Variants in MKLN1 observed in about 807,000 individuals in gnomAD.
The protein encoded by MKLN1 is muskelin.
MKLN1 carries 18 observed loss-of-function variants against 99.0 expected under a neutral mutation model. The ratio of observed to expected loss-of-function variants is 0.18; its 90% CI spans 0.13 to 0.27. MKLN1 has a LOEUF of 0.27. Among genes scored for constraint, MKLN1 ranks in the 10% least tolerant of loss-of-function variants. The pLI, the probability that MKLN1 is intolerant of heterozygous loss-of-function variation, is 1.00. For synonymous variants in MKLN1, 288 were observed against 293.2 expected (o/e 0.98, Z 0.18); for missense variants, 621 against 875.9 (o/e 0.71, Z 3.67).
chr7:131,341,329 T>C (rs900311295), intron 1 of MKLN1, among the ~76,000 whole-genome samples: 1 of 152,224 alleles, frequency 6.6e-6, no homozygotes, highest in Non-Finnish European at 1.5e-5. Context: ...AGGAAAACTG[T>C]AGCCTTTGGC....
chr7:131,232,954 G>A (rs186259610), intron 3 of MKLN1, among the ~76,000 whole-genome samples: 5 of 152,220 alleles, frequency 3.3e-5, no homozygotes, highest in Middle Eastern at 3.4e-3. Context: ...TGCTTAAAGC[G>A]GGGACTCAGC....
At chr7:131,400,213 A>G (rs554811474) in intron 6 of MKLN1, among the ~76,000 whole-genome samples, 1 of 151,916 alleles carries the variant, frequency 6.6e-6, no homozygotes, top group South Asian at 2.1e-4. Context: ...TAATTTTATC[A>G]CTGTTATTAT....
At chr7:131,140,287 T>C (rs564108057) in intron 1 of MKLN1, among the ~76,000 whole-genome samples, 3 of 152,314 alleles carry the variant, frequency 2.0e-5, no homozygotes, top group Admixed American at 1.3e-4. Flanking sequence ...CAATTCTTTT[T>C]TCCCTACCTC....
intron 7 of MKLN1, 106 bp downstream of exon 7, chr7:131,411,489 T>A: frequency 1.3e-6 from 1 of 778,258 alleles, no homozygotes. Context: ...AAAAAGAAGA[T>A]GTTGGCCAGT....
At chr7:131,346,814 C>T (rs1799577225) in intron 1 of MKLN1, among the ~76,000 whole-genome samples, 1 of 152,154 alleles carries the variant, frequency 6.6e-6, no homozygotes, top group South Asian at 2.1e-4. Context: ...GAAGATCCCA[C>T]AAAAGTGATT....
intron 1 of MKLN1, among the ~76,000 whole-genome samples, chr7:131,355,907 A>AT (rs1799862224): frequency 6.6e-6 from 1 of 151,166 alleles, no homozygotes; most frequent in Non-Finnish European, 1.5e-5. Flanking sequence ...TAGTTGTATA[A>AT]TTTTTTCATC....
At chr7:131,193,685 AATT>A (rs758040876) in intron 2 of MKLN1, among the ~76,000 whole-genome samples, 23 of 151,944 alleles carry the variant, frequency 1.5e-4, no homozygotes, top group Non-Finnish European at 2.5e-4. Context: ...CTCAGCTAAA[AATT>A]ATTATTTTTG....
At chr7:131,433,882 ATTTTT>A (rs11346221) in intron 9 of MKLN1, among the ~76,000 whole-genome samples, 1 of 128,836 alleles carries the variant, frequency 7.8e-6, no homozygotes, top group Non-Finnish European at 1.7e-5. Context: ...TGTCGTTTGA[ATTTTT>A]TTTTTTTTTT....
chr7:131,268,700 C>A (rs1436912118), intron 3 of MKLN1, among the ~76,000 whole-genome samples: 1 of 152,100 alleles, frequency 6.6e-6, no homozygotes, highest in Non-Finnish European at 1.5e-5. Context: ...CAGTCAATGG[C>A]CCTACATGTT....
At chr7:131,387,090 A>G in intron 2 of MKLN1, 30 bp from the exon 3 acceptor site, 3 of 1,560,960 alleles carry the variant, frequency 1.9e-6, no homozygotes, top group Non-Finnish European at 2.6e-6. Context: ...TAAACAGAAG[A>G]GGATATAATT....
intron 1 of MKLN1, among the ~76,000 whole-genome samples, chr7:131,349,178 G>A (rs916227815): frequency 4.1e-5 from 6 of 147,110 alleles, no homozygotes; most frequent in Admixed American, 1.4e-4. Flanking sequence ...GTGCTTAGAA[G>A]CAGTTTGATC....
chr7:131,186,819 G>C (rs1209100762), intron 2 of MKLN1, among the ~76,000 whole-genome samples: 2 of 152,180 alleles, frequency 1.3e-5, no homozygotes, highest in Non-Finnish European at 2.9e-5. Flanking sequence ...GAGTTTAGTA[G>C]AATAAATGCT....
At chr7:131,153,749 G>A (rs563521305) in intron 2 of MKLN1, among the ~76,000 whole-genome samples, 5 of 142,692 alleles carry the variant, frequency 3.5e-5, no homozygotes, top group South Asian at 2.3e-4. Flanking sequence ...TGCAACCTCC[G>A]CCTCCTGGGT....
intron 2 of MKLN1, among the ~76,000 whole-genome samples, chr7:131,177,904 A>G (rs939924141): frequency 6.6e-6 from 1 of 152,164 alleles, no homozygotes; most frequent in African/African-American, 2.4e-5. Context: ...TAGTAGCTCT[A>G]TGGTAATCTG....
At chr7:131,402,684 A>T (rs1794584804) in intron 6 of MKLN1, among the ~76,000 whole-genome samples, 1 of 152,256 alleles carries the variant, frequency 6.6e-6, no homozygotes, top group African/African-American at 2.4e-5. Context: ...ATGTGTTAGT[A>T]GGCATGAAAA....
intron 3 of MKLN1, chr7:131,310,905 C>T (rs1011158401): frequency 2.0e-5 from 3 of 151,846 alleles, no homozygotes; most frequent in Admixed American, 6.6e-5. Context: ...CAATGTTGTT[C>T]ACAAAGGTAT....
At chr7:131,435,711 A>G (rs1157452294) in intron 9 of MKLN1, among the ~76,000 whole-genome samples, 1 of 151,654 alleles carries the variant, frequency 6.6e-6, no homozygotes, top group Non-Finnish European at 1.5e-5. Flanking sequence ...CTCTCTTTTC[A>G]TTTCTAGGAA....
intron 3 of MKLN1, among the ~76,000 whole-genome samples, chr7:131,286,986 C>T (rs1798141068): frequency 6.6e-6 from 1 of 152,162 alleles, no homozygotes; most frequent in Non-Finnish European, 1.5e-5. Flanking sequence ...ACCTGTGGCC[C>T]AGCTTCTTGG....
intron 6 of MKLN1, among the ~76,000 whole-genome samples, chr7:131,401,362 A>G (rs535497777): frequency 6.6e-6 from 1 of 152,220 alleles, no homozygotes; most frequent in African/African-American, 2.4e-5. Context: ...TGCAGGATCC[A>G]GTGATGATAG....
Sources: gnomAD v4.1 joint callset for allele counts (sites outside exome capture counted in the v4.1 genomes callset) on GRCh38, gnomAD v4.1.1 for gene constraint, MANE v1.5 for transcripts, NCBI Gene and HGNC (gene_info 2026-07-23, HGNC 2026-07-21) for gene names.